Variants in LRIT3 observed in about 807,000 individuals in gnomAD.
LRIT3 encodes the protein leucine-rich repeat, immunoglobulin-like domain and transmembrane domain-containing protein 3.
In LRIT3, 14 loss-of-function variants were observed where a neutral mutation model predicts 22.6. That is an observed-to-expected ratio of 0.62 (90% confidence interval 0.41 to 0.97). LRIT3 has a LOEUF of 0.97. Ranked by LOEUF, LRIT3 falls within the 50% of genes least tolerant of loss-of-function variation. The probability of loss-of-function intolerance (pLI) is 0.00; values close to 1 mark genes in which losing one functional copy is unlikely to be tolerated. For missense variants in LRIT3, 783 were observed against 803.0 expected (o/e 0.98, Z 0.30); for synonymous variants, 306 against 304.5 (o/e 1.01, Z -0.05).
intron 2 of LRIT3, among the ~76,000 whole-genome samples, chr4:109,859,939 A>G (rs902547451): frequency 2.0e-5 from 3 of 152,232 alleles, no homozygotes; most frequent in Non-Finnish European, 2.9e-5. Context: ...CTCCCTACAT[A>G]AGGTGAGGCT....
chr4:109,869,577 C>T (rs1006394098), intron 3 of LRIT3, 68 bp from the exon 4 acceptor site: 1 of 1,443,698 alleles, frequency 6.9e-7, no homozygotes, highest in Admixed American at 2.3e-5. Flanking sequence ...GTTGTTTCCT[C>T]CTCAGTTGGC....
chr4:109,859,614 G>A (rs1465760830), intron 2 of LRIT3, among the ~76,000 whole-genome samples: 2 of 152,148 alleles, frequency 1.3e-5, no homozygotes, highest in Non-Finnish European at 2.9e-5. Flanking sequence ...GGCAAGATGA[G>A]GGTGTTTATA....
At chr4:109,865,269 A>G in intron 2 of LRIT3, 1 of 1,588,386 alleles carries the variant, frequency 6.3e-7, no homozygotes, top group South Asian at 1.1e-5. Flanking sequence ...CAGGCACAGT[A>G]AAGTTGGTGA....
At chr4:109,848,475 C>T (rs1008250356) in intron 1 of LRIT3, among the ~76,000 whole-genome samples, 158 bp downstream of exon 1, 1 of 152,192 alleles carries the variant, frequency 6.6e-6, no homozygotes, top group Admixed American at 6.5e-5. Flanking sequence ...TAACACTGGT[C>T]ACCTACTCCT....
intron 1 of LRIT3, among the ~76,000 whole-genome samples, chr4:109,850,415 CTTCCTTCCTTTCTTTCTTTCTTTCT>C (rs1560588941): frequency 0.015 from 273 of 17,658 alleles, 23 homozygotes; most frequent in African/African-American, 0.052. Flanking sequence ...TCCTTCCTTC[CTTCCTTCCTTTCTTTCTTTCTTTCT>C]TTCTTTCTTT....
chr4:109,864,184 A>C (rs2125900141), intron 2 of LRIT3, among the ~76,000 whole-genome samples: 1 of 152,288 alleles, frequency 6.6e-6, no homozygotes, highest in East Asian at 1.9e-4. Flanking sequence ...TTTCAATATA[A>C]ATGTTTTAGT....
At chr4:109,862,195 GCATT>G (rs533390124) in intron 2 of LRIT3, among the ~76,000 whole-genome samples, 13 of 152,226 alleles carry the variant, frequency 8.5e-5, no homozygotes, top group African/African-American at 3.1e-4. Context: ...CAAAAATAGC[GCATT>G]TAGTCCAACT....
chr4:109,860,212 C>CT (rs952650674), intron 2 of LRIT3, among the ~76,000 whole-genome samples: 4 of 151,112 alleles, frequency 2.6e-5, no homozygotes, highest in South Asian at 4.2e-4. Context: ...ACATAAAATG[C>CT]TTTTTTTTTG....
intron 1 of LRIT3, among the ~76,000 whole-genome samples, chr4:109,850,391 C>T (rs528416359): frequency 0.072 from 67 of 934 alleles, 3 homozygotes; most frequent in African/African-American, 0.13. Context: ...TCCTTCCTTC[C>T]TTCCTTCCTT....
chr4:109,865,379 C>A, intron 2 of LRIT3: 1 of 1,337,700 alleles, frequency 7.5e-7, no homozygotes, highest in Non-Finnish European at 1.1e-6. Flanking sequence ...GACTGAATAT[C>A]TAATGTGGTA....
intron 1 of LRIT3, 94 bp from the exon 2 acceptor site, chr4:109,851,410 G>A: frequency 1.4e-6 from 2 of 1,449,310 alleles, no homozygotes; most frequent in Non-Finnish European, 1.8e-6. Flanking sequence ...CCACTGCCCA[G>A]CTGAAAATTG....
intron 2 of LRIT3, among the ~76,000 whole-genome samples, chr4:109,853,323 C>G (rs1318250376): frequency 6.6e-6 from 1 of 152,180 alleles, no homozygotes; most frequent in Non-Finnish European, 1.5e-5. Context: ...TTGCATTTCT[C>G]TAATAACCAG....
intron 2 of LRIT3, among the ~76,000 whole-genome samples, chr4:109,862,458 G>A (rs1021018781): frequency 1.3e-5 from 2 of 152,046 alleles, no homozygotes; most frequent in Non-Finnish European, 2.9e-5. Flanking sequence ...TTTAAAAATT[G>A]TACCTTTGAC....
intron 2 of LRIT3, chr4:109,865,222 C>G: frequency 6.6e-7 from 1 of 1,523,288 alleles, no homozygotes; most frequent in Non-Finnish European, 8.9e-7. Flanking sequence ...TCACCCAGGT[C>G]ACAGAATTAA....
chr4:109,848,157 G>A lies in LRIT3; in HGVS notation c.-45G>A. The A allele has an allele frequency of 3.8e-6, 4 of 1,059,654 alleles. No homozygotes were observed. Among genetic ancestry groups the A allele is most frequent in the Non-Finnish European group, 4.8e-6 (4 of 830,672 alleles). The allele number at this position is 1,059,654 out of a possible 1,614,324, so 65.6% of individuals were successfully genotyped here. On this transcript the variant is annotated 5_prime_UTR_variant, in exon 1 of 4. Coordinates refer to ENST00000594814, the MANE Select transcript of LRIT3 (RefSeq NM_198506.5). ...AGGCATACCAGGTTCTGAATGCTTA[G>A]GATTCGGTTTTTACCTTTTGTTTAA...
Position 109,870,498 on chromosome 4 carries a change from C to T in LRIT3, c.1749C>T (p.Leu583=), listed in dbSNP as rs1560596424. The change falls in exon 4 of 4, where the codon CTC becomes CTT. Residue 583 remains leucine, a synonymous_variant. Transcript: ENST00000594814. ...AAGGAGATGATTCTCAATGGTCTCTCCTTCTCGTGGTGACCAGTACTGCCT... is the reference window on the plus strand; with the variant it reads ...AAGGAGATGATTCTCAATGGTCTCTTCTTCTCGTGGTGACCAGTACTGCCT... ...RVEGDDSQWS[L]LLVVTSTACV... is the part of the protein sequence containing the mutation. The T allele has an allele frequency of 6.2e-7, 1 of 1,614,220 alleles. No homozygotes were observed. Among genetic ancestry groups the T allele is most frequent in the African/African-American group, 1.3e-5 (1 of 75,058 alleles).
At position 109,851,985 on chromosome 4, in the gene LRIT3, G is replaced by A. The variant is rs1413115459; in HGVS notation, c.589+9G>A. 61 of 1,525,998 alleles carry A rather than the reference G, an allele frequency of 4.0e-5. No individual in the cohort carries two copies. The East Asian group carries it at 1.0e-3, about 25-fold the overall frequency. 94.5% of individuals were successfully genotyped at this position (1,525,998 alleles called of 1,614,324 possible). On this transcript the variant is annotated intron_variant, in intron 2 of 3. Transcript: ENST00000594814. ...AAGCAGGATTATTCTTGGTAAGCTC[G>A]CAAGCCTCTGGGCTTTTCATCTATA...
At chr4:109,863,657 AT>A (rs1444676596) in intron 2 of LRIT3, among the ~76,000 whole-genome samples, 1 of 152,210 alleles carries the variant, frequency 6.6e-6, no homozygotes, top group Non-Finnish European at 1.5e-5. Context: ...ACCCAGTATA[AT>A]AAAGATGTCT....
At chr4:109,853,808 T>C (rs1734336368) in intron 2 of LRIT3, among the ~76,000 whole-genome samples, 1 of 152,230 alleles carries the variant, frequency 6.6e-6, no homozygotes, top group Non-Finnish European at 1.5e-5. Flanking sequence ...TGCATATGGC[T>C]AGCCAGTTTT....
Sources: allele counts gnomAD v4.1 joint callset (sites outside exome capture counted in the v4.1 genomes callset), GRCh38; gene constraint gnomAD v4.1.1; transcripts MANE v1.5; gene names NCBI Gene and HGNC (gene_info 2026-07-23, HGNC 2026-07-21).